PCDHA3: variants seen among roughly 807,000 people sequenced by gnomAD.
The protein encoded by PCDHA3 is protocadherin alpha 3, also known as protocadherin alpha-3.
A neutral mutation model predicts 62.2 loss-of-function variants in PCDHA3; 41 were observed. The ratio of observed to expected loss-of-function variants is 0.66; its 90% confidence interval spans 0.51 to 0.86. The LOEUF (loss-of-function observed/expected upper bound fraction) is 0.86. PCDHA3 is among the 40% of genes least tolerant of loss of function. The pLI is 0.00. For synonymous variants in PCDHA3, 640 were observed against 555.4 expected, an observed-to-expected ratio of 1.15 and a Z score of -2.14; for missense variants, 1,304 against 1,241.2, an observed-to-expected ratio of 1.05 and a Z score of -0.76.
intron 1 of PCDHA3, among the ~76,000 whole-genome samples, chr5:140,891,445 G>T (rs1036846382): frequency 6.7e-6 from 1 of 148,520 alleles, no homozygotes; most frequent in Non-Finnish European, 1.5e-5. Context: ...CCATTGTATA[G>T]GATTTTTGAA....
intron 1 of PCDHA3, chr5:140,828,634 T>C (rs1769862472): frequency 6.2e-7 from 1 of 1,614,188 alleles, no homozygotes; most frequent in Non-Finnish European, 8.5e-7. Context: ...TCGGGCTAGA[T>C]GTGAAAATAA....
chr5:140,966,922 G>A (rs782206344), intron 1 of PCDHA3: 5 of 1,603,072 alleles, frequency 3.1e-6, no homozygotes, highest in Non-Finnish European at 4.2e-6. Context: ...CAGAGGAGCA[G>A]GCACCCGGCG....
At chr5:140,819,050 A>G (rs1440435976) in intron 1 of PCDHA3, among the ~76,000 whole-genome samples, 1 of 152,190 alleles carries the variant, frequency 6.6e-6, no homozygotes, top group Non-Finnish European at 1.5e-5. Context: ...GGGCAGTTAT[A>G]CCTTCCTCTG....
rs1310366696 is a variant in PCDHA3 at position 140,890,210 on chromosome 5, T to A, written c.2394+86619T>A. Among the ~76,000 whole-genome samples the A allele has an allele frequency of 5.3e-5, 8 of 152,148 alleles. 1 individual carries two copies. Among genetic ancestry groups the A allele is most frequent in the Admixed American group, 3.3e-4 (5 of 15,270 alleles). On this transcript the variant is annotated intron_variant, in intron 1 of 3. Coordinates refer to ENST00000522353, the MANE Select transcript of PCDHA3 (RefSeq NM_018906.3). ...AACAGAGTTTTTTGTTTTTCTTTTT[T>A]CCCAGAGACCTAGTTGTTAAGCATT... is the stretch of plus-strand genomic sequence containing the variant.
intron 1 of PCDHA3, chr5:140,968,431 G>T: frequency 6.2e-7 from 1 of 1,613,980 alleles, no homozygotes; most frequent in South Asian, 1.1e-5. Flanking sequence ...AGGACAAGGG[G>T]AGCCCACCAC....
intron 3 of PCDHA3, among the ~76,000 whole-genome samples, chr5:140,993,307 A>G (rs1388803376): frequency 6.6e-6 from 1 of 152,056 alleles, no homozygotes; most frequent in Non-Finnish European, 1.5e-5. Flanking sequence ...TGCCTCCAGG[A>G]TAATACCTTC....
chr5:140,873,931 G>A (rs2054580396), intron 1 of PCDHA3, among the ~76,000 whole-genome samples: 1 of 152,172 alleles, frequency 6.6e-6, no homozygotes, highest in African/African-American at 2.4e-5. Flanking sequence ...AAAGTGCTGG[G>A]ATTACAGGTG....
At chr5:140,830,275 C>A (rs147028446) in intron 1 of PCDHA3, 3 of 1,613,698 alleles carry the variant, frequency 1.9e-6, no homozygotes, top group Non-Finnish European at 2.5e-6. Context: ...CGCCACCCAC[C>A]GAGGGCGCGT....
rs782706780 is a variant in PCDHA3 at position 140,808,890 on chromosome 5, C to T, written c.2394+5299C>T. 1.9e-6 allele frequency: 3 copies of T among 1,613,284 alleles called. No homozygotes were observed. Among genetic ancestry groups the T allele is most frequent in the African/African-American group, 1.3e-5 (1 of 74,926 alleles). ...GACAACGCGCCAGCACTGCTAGCGC[C>T]TCGGGCGGGTGGCACTGGTGGCGCA... is the stretch of plus-strand genomic sequence containing the variant. On this transcript the variant is annotated intron_variant, in intron 1 of 3. Coordinates refer to ENST00000522353, the MANE Select transcript of PCDHA3 (RefSeq NM_018906.3).
At chr5:140,962,295 A>G (rs1215334325) in intron 1 of PCDHA3, among the ~76,000 whole-genome samples, 2 of 152,196 alleles carry the variant, frequency 1.3e-5, no homozygotes, top group African/African-American at 4.8e-5. Flanking sequence ...TTAATATTCT[A>G]TGATTCTTGT....
intron 1 of PCDHA3, among the ~76,000 whole-genome samples, chr5:140,975,613 A>G (rs1482474647): frequency 1.3e-5 from 2 of 152,226 alleles, no homozygotes; most frequent in Non-Finnish European, 2.9e-5. Context: ...TGTCTTCCAC[A>G]TGGATTTCCA....
intron 1 of PCDHA3, chr5:140,969,554 TC>T: frequency 8.2e-7 from 1 of 1,222,072 alleles, no homozygotes; most frequent in Non-Finnish European, 1.1e-6. Context: ...TGAAGCCTTG[TC>T]CATAAAATTG....
In PCDHA3 at chr5:140,843,023, C is replaced by G. The variant is rs2150350362; in HGVS notation, c.2394+39432C>G. 1.3e-5 allele frequency: 21 copies of G among 1,595,146 alleles called. 2 individuals carry two copies. The highest frequency in any genetic ancestry group is 7.7e-5 in the South Asian group (7 of 90,508). On this transcript the variant is annotated intron_variant, in intron 1 of 3. Coordinates refer to ENST00000522353, the MANE Select transcript of PCDHA3 (RefSeq NM_018906.3). ...TGACAACGCGCCGGCACTGCTGGAG[C>G]CTCGGGTGGGTGGCACTGGTGGCGC...
chr5:140,871,522 A>G (rs1554165699), intron 1 of PCDHA3: 1 of 1,549,186 alleles, frequency 6.5e-7, no homozygotes, highest in Non-Finnish European at 8.7e-7. Context: ...TCCACCTATC[A>G]GGAAGTGTAT....
intron 1 of PCDHA3, among the ~76,000 whole-genome samples, chr5:140,820,757 C>A (rs1581766464): frequency 6.6e-6 from 1 of 151,890 alleles, no homozygotes; most frequent in African/African-American, 2.4e-5. Flanking sequence ...GTCATATAGA[C>A]AATATTAGGA....
At chr5:140,965,442 G>A (rs782186943) in intron 1 of PCDHA3, among the ~76,000 whole-genome samples, 3 of 151,978 alleles carry the variant, frequency 2.0e-5, no homozygotes, top group Non-Finnish European at 4.4e-5. Flanking sequence ...CATTGAAATT[G>A]CTGGTTATTG....
chr5:140,900,752 T>C lies in PCDHA3; in HGVS notation c.2395-78197T>C, dbSNP rs565842266. On this transcript the variant is annotated intron_variant, in intron 1 of 3. Coordinates refer to ENST00000522353, the MANE Select transcript of PCDHA3 (RefSeq NM_018906.3). ...GCAGTGGGATTTCTGGATCACTTGG[T>C]AGCTCTATTTTTGGCTTTTTGAGGA... Among the ~76,000 whole-genome samples, 3 of 152,272 alleles carry C rather than the reference T, an allele frequency of 2.0e-5. No homozygotes were observed. In the East Asian group the frequency reaches 5.8e-4, roughly 29 times the overall value.
intron 1 of PCDHA3, among the ~76,000 whole-genome samples, chr5:140,950,547 TGGG>T (rs1385873509): frequency 6.6e-6 from 1 of 152,064 alleles, no homozygotes; most frequent in Non-Finnish European, 1.5e-5. Flanking sequence ...CTTGCATGGC[TGGG>T]GGGACACTTA....
At chr5:140,889,415 G>A (rs192243576) in intron 1 of PCDHA3, among the ~76,000 whole-genome samples, 212 of 152,058 alleles carry the variant, frequency 1.4e-3, no homozygotes, top group African/African-American at 5.0e-3. Flanking sequence ...AGTCAGTTAC[G>A]TAGATAATAT....
Sources: gnomAD v4.1 joint callset for allele counts (sites outside exome capture counted in the v4.1 genomes callset) on GRCh38, gnomAD v4.1.1 for gene constraint, MANE v1.5 for transcripts, NCBI Gene and HGNC (gene_info 2026-07-23, HGNC 2026-07-21) for gene names.